The following EXOC2 variants were observed in gnomAD, a reference collection of about 807,000 sequenced individuals.
The protein encoded by EXOC2 is exocyst complex component 2.
EXOC2 carries 70 observed loss-of-function variants against 131.8 expected under a neutral mutation model. The observed-to-expected ratio is 0.53, with a 90% CI of 0.44 to 0.65. The LOEUF is 0.65. Among genes scored for constraint, EXOC2 ranks in the 30% least tolerant of loss-of-function variants. The probability of loss-of-function intolerance (pLI) is 0.00; values close to 1 mark genes in which losing one functional copy is unlikely to be tolerated. For missense variants in EXOC2, 923 were observed against 1,108.6 expected, an observed-to-expected ratio of 0.83 and a Z score of 2.38; for synonymous variants, 411 against 398.4, an observed-to-expected ratio of 1.03 and a Z score of -0.38.
intron 21 of EXOC2, among the ~76,000 whole-genome samples, chr6:552,171 C>A (rs1021430898): frequency 6.6e-6 from 1 of 152,232 alleles, no homozygotes; most frequent in Non-Finnish European, 1.5e-5. Flanking sequence ...CAGAAATCAG[C>A]CCCGCCCTGA....
intron 1 of EXOC2, chr6:657,099 C>G (rs531321432): frequency 1.7e-6 from 1 of 583,222 alleles, no homozygotes; most frequent in African/African-American, 2.0e-5. Flanking sequence ...GTTGCGGGTT[C>G]TGTTGTGGGT....
intron 7 of EXOC2, among the ~76,000 whole-genome samples, chr6:608,518 C>T (rs1284107247): frequency 6.6e-6 from 1 of 151,914 alleles, no homozygotes; most frequent in Non-Finnish European, 1.5e-5. Context: ...CCAAAAAGAG[C>T]AAACTTCAAT....
intron 23 of EXOC2, among the ~76,000 whole-genome samples, chr6:526,689 C>G (rs527473197): frequency 6.6e-6 from 1 of 152,242 alleles, no homozygotes; most frequent in East Asian, 1.9e-4. Context: ...ATCCGCCCGC[C>G]TCAGCCTCCC....
intron 2 of EXOC2, among the ~76,000 whole-genome samples, chr6:634,671 C>G (rs1181807856): frequency 6.6e-6 from 1 of 152,174 alleles, no homozygotes; most frequent in Non-Finnish European, 1.5e-5. Context: ...CTATAATTCA[C>G]TAATGTCTGC....
At chr6:649,028 G>T (rs560511732) in intron 1 of EXOC2, among the ~76,000 whole-genome samples, 1 of 152,066 alleles carries the variant, frequency 6.6e-6, no homozygotes, top group Admixed American at 6.6e-5. Flanking sequence ...TCTTTTCTTT[G>T]TAAGAGACGG....
chr6:645,835 G>A (rs1762556476), intron 1 of EXOC2, among the ~76,000 whole-genome samples: 1 of 152,186 alleles, frequency 6.6e-6, no homozygotes, highest in Non-Finnish European at 1.5e-5. Context: ...AGAAATGGCT[G>A]ATGCAGGGCT....
Position 572,662 on chromosome 6 carries a change from A to G in EXOC2, c.1319-18T>C. 6.2e-7 allele frequency: 1 copy of G among 1,609,320 alleles called. No individual in the cohort carries two copies. The highest frequency in any genetic ancestry group is 8.5e-7 in the Non-Finnish European group (1 of 1,178,494). On this transcript the variant is annotated intron_variant, in intron 12 of 27. Coordinates refer to ENST00000230449, the MANE Select transcript of EXOC2 (RefSeq NM_018303.6). Reference sequence around the variant, plus strand: ...TCTCCACGCTAAGGGGGAAAAGAATAAAATACTATGATTGTACTTCTGAAT... The same window carrying G: ...TCTCCACGCTAAGGGGGAAAAGAATGAAATACTATGATTGTACTTCTGAAT...
chr6:605,928 C>T (rs1760385210), intron 7 of EXOC2, among the ~76,000 whole-genome samples: 1 of 152,182 alleles, frequency 6.6e-6, no homozygotes, highest in Non-Finnish European at 1.5e-5. Flanking sequence ...TTTCAAAGAA[C>T]ATCTTTATTT....
chr6:634,067 T>A (rs1340335044), intron 2 of EXOC2, among the ~76,000 whole-genome samples: 2 of 69,510 alleles, frequency 2.9e-5, no homozygotes, highest in African/African-American at 8.7e-5. Context: ...ACACTTGACG[T>A]TTTCTTTTTT....
intron 23 of EXOC2, among the ~76,000 whole-genome samples, chr6:505,063 G>C (rs923941810): frequency 1.3e-5 from 2 of 152,106 alleles, no homozygotes; most frequent in African/African-American, 4.8e-5. Context: ...GCAGATCCTG[G>C]CTGTACATTA....
At chr6:611,915 C>T (rs1760734941) in intron 6 of EXOC2, among the ~76,000 whole-genome samples, 1 of 152,234 alleles carries the variant, frequency 6.6e-6, no homozygotes, top group African/African-American at 2.4e-5. Flanking sequence ...TATTACTTCA[C>T]TACAATTATT....
At chr6:494,938 G>C (rs1249377122) in intron 25 of EXOC2, among the ~76,000 whole-genome samples, 1 of 152,096 alleles carries the variant, frequency 6.6e-6, no homozygotes, top group Non-Finnish European at 1.5e-5. Context: ...GGATGCAGTA[G>C]CACGATCACA....
intron 6 of EXOC2, among the ~76,000 whole-genome samples, chr6:613,933 C>G (rs1288063646): frequency 6.6e-6 from 1 of 151,960 alleles, no homozygotes; most frequent in African/African-American, 2.4e-5. Context: ...AATCCTGCCA[C>G]ATGTAGCAAC....
chr6:617,875 C>T, intron 5 of EXOC2, 40 bp from the exon 6 acceptor site: 2 of 1,595,266 alleles, frequency 1.3e-6, no homozygotes, highest in African/African-American at 1.3e-5. Flanking sequence ...ACACTTCTAA[C>T]ATGCAAGAAA....
In EXOC2 at chr6:499,287, G is replaced by A. The variant is rs540020008; in HGVS notation, c.2436+358C>T. On this transcript the variant is annotated intron_variant, in intron 24 of 27. Coordinates refer to ENST00000230449, the MANE Select transcript of EXOC2 (RefSeq NM_018303.6). ...TTATTTGTACACAGGCTAAAAAGAG[G>A]TTAATTCATTTTCCAAGATAAGGGA... is the stretch of plus-strand genomic sequence containing the variant. Among the ~76,000 whole-genome samples, 7 of 152,278 alleles carry A rather than the reference G, an allele frequency of 4.6e-5. No individual in the cohort carries two copies. In the South Asian group the frequency reaches 1.5e-3, roughly 32 times the overall value.
Position 564,568 on chromosome 6 carries a change from G to A in EXOC2, c.1644C>T (p.Leu548=), listed in dbSNP as rs141954488. The change falls in exon 15 of 28, where the codon CTC becomes CTT. Residue 548 remains leucine, a synonymous_variant. Transcript: ENST00000230449. Reference sequence around the variant, plus strand: ...ACCTTACAGTCTGGATGGCGTGAGCGAGCCACTGTCCGGAGAGCTCGCACT... The same window carrying A: ...ACCTTACAGTCTGGATGGCGTGAGCAAGCCACTGTCCGGAGAGCTCGCACT... ...EVKCELSGQW[L]AHAIQTVRLT... is the part of the protein sequence containing the mutation. The A allele has an allele frequency of 2.7e-5, 44 of 1,614,024 alleles. No homozygotes were observed. Among genetic ancestry groups the A allele is most frequent in the African/African-American group, 1.2e-4 (9 of 74,914 alleles).
At chr6:574,741 A>G (rs759175287) in intron 12 of EXOC2, among the ~76,000 whole-genome samples, 1 of 152,260 alleles carries the variant, frequency 6.6e-6, no homozygotes, top group Non-Finnish European at 1.5e-5. Flanking sequence ...ACTCACTCTG[A>G]ATGCTGAACA....
At chr6:491,045 TCTTTACAGAGGACAG>T in intron 26 of EXOC2, 65 bp downstream of exon 26, 9 of 1,434,382 alleles carry the variant, frequency 6.3e-6, no homozygotes, top group Non-Finnish European at 8.8e-6. Flanking sequence ...TGATCAGTCA[TCTTTACAGAGGACAG>T]AATTGACTAG....
intron 22 of EXOC2, among the ~76,000 whole-genome samples, chr6:548,549 C>T (rs1019749335): frequency 6.6e-6 from 1 of 152,192 alleles, no homozygotes; most frequent in African/African-American, 2.4e-5. Flanking sequence ...AAAACTCACT[C>T]CATTAATTTC....
Sources: gnomAD v4.1 joint callset for allele counts (sites outside exome capture counted in the v4.1 genomes callset) on GRCh38, gnomAD v4.1.1 for gene constraint, MANE v1.5 for transcripts, NCBI Gene and HGNC (gene_info 2026-07-23, HGNC 2026-07-21) for gene names.